The following GALNT10 variants were observed in gnomAD, a reference collection of about 807,000 sequenced individuals.
The protein encoded by GALNT10 is GalNAc transferase 10.
A neutral mutation model predicts 75.0 loss-of-function variants in GALNT10; 41 were observed. That is an observed-to-expected ratio of 0.55 (90% CI 0.43 to 0.71). The LOEUF is 0.71. Among genes scored for constraint, GALNT10 ranks in the 30% least tolerant of loss-of-function variants. The probability of loss-of-function intolerance (pLI) is 0.00; values close to 1 mark genes in which losing one functional copy is unlikely to be tolerated. For synonymous variants in GALNT10, 302 were observed against 313.0 expected (o/e 0.96, Z 0.37); for missense variants, 727 against 818.5 (o/e 0.89, Z 1.36).
intron 3 of GALNT10, among the ~76,000 whole-genome samples, chr5:154,327,329 G>A (rs1754769844): frequency 6.6e-6 from 1 of 152,232 alleles, no homozygotes; most frequent in Non-Finnish European, 1.5e-5. Flanking sequence ...GCATCCGAAT[G>A]GTGATATTGA....
At chr5:154,267,654 T>C (rs1015013945) in intron 1 of GALNT10, among the ~76,000 whole-genome samples, 2 of 152,212 alleles carry the variant, frequency 1.3e-5, no homozygotes, top group Admixed American at 1.3e-4. Flanking sequence ...GGGTCACCTT[T>C]TCCTTGCCAA....
At chr5:154,364,518 G>C (rs1755446238) in intron 4 of GALNT10, among the ~76,000 whole-genome samples, 1 of 152,140 alleles carries the variant, frequency 6.6e-6, no homozygotes, top group Admixed American at 6.5e-5. Flanking sequence ...TTTTGCATGG[G>C]GAGGGGGCAG....
chr5:154,221,939 G>A (rs951258630), intron 1 of GALNT10, among the ~76,000 whole-genome samples: 3 of 151,872 alleles, frequency 2.0e-5, no homozygotes, highest in Admixed American at 6.6e-5. Context: ...TTTAAGTATT[G>A]GTACTTTTTT....
intron 1 of GALNT10, among the ~76,000 whole-genome samples, chr5:154,252,991 G>T (rs1278584710): frequency 8.9e-6 from 1 of 112,118 alleles, no homozygotes. Flanking sequence ...TGGTTGGTTG[G>T]TTTTTTAGTG....
chr5:154,247,581 G>A (rs1753448655), intron 1 of GALNT10, among the ~76,000 whole-genome samples: 2 of 151,880 alleles, frequency 1.3e-5, no homozygotes, highest in Non-Finnish European at 2.9e-5. Flanking sequence ...AATTGTGAAT[G>A]GGAGTTCACT....
chr5:154,279,491 C>T (rs921082749), intron 1 of GALNT10, among the ~76,000 whole-genome samples: 9 of 151,712 alleles, frequency 5.9e-5, no homozygotes, highest in Middle Eastern at 6.8e-3. Flanking sequence ...TTAGTAGAGA[C>T]GGGGTTTCAC....
chr5:154,388,944 G>T (rs1250801474), intron 7 of GALNT10: 1 of 149,290 alleles, frequency 6.7e-6, no homozygotes, highest in Non-Finnish European at 1.5e-5. Flanking sequence ...GGGAGGGAGA[G>T]AGGGAGGGGG....
chr5:154,225,132 A>T (rs1212077723), intron 1 of GALNT10, among the ~76,000 whole-genome samples: 1 of 148,416 alleles, frequency 6.7e-6, no homozygotes, highest in Non-Finnish European at 1.5e-5. Flanking sequence ...TTGCTCTGTC[A>T]CCCAGGCTGG....
chr5:154,380,447 G>C lies in GALNT10; in HGVS notation c.755-1G>C. 1 of 1,612,310 alleles carries C rather than the reference G, an allele frequency of 6.2e-7. No individual in the cohort carries two copies. The highest frequency in any genetic ancestry group is 2.2e-5 in the East Asian group (1 of 44,862). Reference sequence around the variant, plus strand: ...TGATAGGCATCTCTTGGCTTCTTCAGACCGCATTGCTCGGAACCGCAAGAC... The same window carrying C: ...TGATAGGCATCTCTTGGCTTCTTCACACCGCATTGCTCGGAACCGCAAGAC... On this transcript the variant is annotated splice_acceptor_variant, in intron 5 of 11. Coordinates refer to ENST00000297107, the MANE Select transcript of GALNT10 (RefSeq NM_198321.4). LOFTEE classifies it high-confidence loss of function.
chr5:154,301,957 T>G (rs1230488104), intron 3 of GALNT10, among the ~76,000 whole-genome samples: 1 of 152,198 alleles, frequency 6.6e-6, no homozygotes, highest in Non-Finnish European at 1.5e-5. Context: ...AAGATGTCAC[T>G]ACTGCCAGCG....
At position 154,269,035 on chromosome 5, in the gene GALNT10, T is replaced by C. The variant is rs1753816935; in HGVS notation, c.160-25781T>C. On this transcript the variant is annotated intron_variant, in intron 1 of 11. Coordinates refer to ENST00000297107, the MANE Select transcript of GALNT10 (RefSeq NM_198321.4). ...AATCTGAGATGCCCTCATCTCATTGTGGCTCAAATGCACCATCTCAGCTCA... is the reference window on the plus strand; with the variant it reads ...AATCTGAGATGCCCTCATCTCATTGCGGCTCAAATGCACCATCTCAGCTCA... 2.1e-5 allele frequency among the ~76,000 whole-genome samples: 2 copies of C among 93,086 alleles called. 1 individual carries two copies. 61.1% of individuals were successfully genotyped at this position (93,086 alleles called of 152,430 possible).
At chr5:154,244,420 TA>T (rs571584299) in intron 1 of GALNT10, among the ~76,000 whole-genome samples, 24 of 148,682 alleles carry the variant, frequency 1.6e-4, no homozygotes, top group African/African-American at 4.2e-4. Context: ...TTTTTTTAAT[TA>T]AAAAAAAAAG....
intron 4 of GALNT10, among the ~76,000 whole-genome samples, chr5:154,362,283 A>G (rs27154): frequency 0.72 from 109,900 of 152,006 alleles, 39,783 homozygotes; most frequent in East Asian, 0.86. Context: ...CCAGAGGACC[A>G]AACAGTCTTT....
chr5:154,384,335 T>C (rs1387306604), intron 6 of GALNT10, among the ~76,000 whole-genome samples: 1 of 152,208 alleles, frequency 6.6e-6, no homozygotes, highest in Non-Finnish European at 1.5e-5. Context: ...AAGCTGCATA[T>C]GTGATATTAT....
intron 1 of GALNT10, among the ~76,000 whole-genome samples, chr5:154,224,201 G>C (rs1317154470): frequency 6.6e-6 from 1 of 152,242 alleles, no homozygotes; most frequent in Non-Finnish European, 1.5e-5. Flanking sequence ...AGAAGGACAA[G>C]GAAGTAGAGG....
intron 1 of GALNT10, among the ~76,000 whole-genome samples, chr5:154,241,757 G>C (rs535070795): frequency 2.0e-4 from 30 of 152,244 alleles, no homozygotes; most frequent in Non-Finnish European, 3.4e-4. Context: ...TGGACATTTA[G>C]ATTATTTCCA....
chr5:154,201,106 G>A (rs1175288272), intron 1 of GALNT10, among the ~76,000 whole-genome samples: 1 of 152,084 alleles, frequency 6.6e-6, no homozygotes, highest in African/African-American at 2.4e-5. Flanking sequence ...TCTCCAGTTG[G>A]CCACCACCCC....
At position 154,386,374 on chromosome 5, in the gene GALNT10, G is replaced by A. The variant is rs374511506; in HGVS notation, c.1000G>A (p.Gly334Arg). Residue 334 changes from glycine to arginine, a missense_variant, in exon 7 of 12, where the codon GGG (glycine) becomes AGG (arginine). Coordinates refer to ENST00000297107, the MANE Select transcript of GALNT10 (RefSeq NM_198321.4). ...VDRKWFWELG[G>R]YDPGLEIWGG... ...TCGGAAGTGGTTCTGGGAACTCGGC[G>A]GGTATGACCCAGGCTTGGAGATCTG... is the stretch of plus-strand genomic sequence containing the variant. 29 of 1,614,072 alleles carry A rather than the reference G, an allele frequency of 1.8e-5. No individual in the cohort carries two copies. The highest frequency in any genetic ancestry group is 1.6e-4 in the African/African-American group (12 of 75,036).
chr5:154,197,873 C>T (rs989334885), intron 1 of GALNT10, among the ~76,000 whole-genome samples: 1 of 152,158 alleles, frequency 6.6e-6, no homozygotes, highest in African/African-American at 2.4e-5. Flanking sequence ...GATGCACAGC[C>T]TGTAGTGGTG....
Sources: gnomAD v4.1 joint callset for allele counts (sites outside exome capture counted in the v4.1 genomes callset) on GRCh38, gnomAD v4.1.1 for gene constraint, MANE v1.5 for transcripts, NCBI Gene and HGNC (gene_info 2026-07-23, HGNC 2026-07-21) for gene names.